Variants in ESCO1 observed in about 807,000 individuals in gnomAD.
The protein encoded by ESCO1 is establishment of sister chromatid cohesion N-acetyltransferase 1, also known as N-acetyltransferase ESCO1.
A neutral mutation model predicts 83.5 loss-of-function variants in ESCO1; 33 were observed. That is an observed-to-expected ratio of 0.40 (90% confidence interval 0.30 to 0.53). The LOEUF (loss-of-function observed/expected upper bound fraction) is 0.53, where lower values mean the gene tolerates loss of function less well. Among genes scored for constraint, ESCO1 ranks in the 20% least tolerant of loss-of-function variants. The pLI is 0.63. For synonymous variants in ESCO1, 332 were observed against 324.3 expected (o/e 1.02, Z -0.25); for missense variants, 855 against 968.0 (o/e 0.88, Z 1.55).
intron 4 of ESCO1, among the ~76,000 whole-genome samples, chr18:21,571,583 G>A (rs939358967): frequency 2.0e-5 from 3 of 152,176 alleles, no homozygotes; most frequent in Admixed American, 1.3e-4. Flanking sequence ...TCAAAATAAT[G>A]TGGTCTACAT....
At position 21,530,504 on chromosome 18, in the gene ESCO1, ATGG is replaced by A. The variant is rs2037753558; in HGVS notation, c.2376-17_2376-15del. ...ATAAAGTTACTCCTATTAAAAAAAA[ATGG>A]GGGGGGGGAAGGGTTAAGTGTGAAA... On this transcript the variant is annotated splice_polypyrimidine_tract_variant and intron_variant, in intron 11 of 11. Transcript: ENST00000269214. 9.3e-7 allele frequency: 1 copy of A among 1,075,098 alleles called. No individual in the cohort carries two copies. Among genetic ancestry groups the A allele is most frequent in the Admixed American group, 3.3e-5 (1 of 30,622 alleles). 66.6% of individuals were successfully genotyped at this position (1,075,098 alleles called of 1,614,324 possible).
chr18:21,564,052 C>T (rs541680277), intron 7 of ESCO1, 151 bp downstream of exon 7: 1 of 580,386 alleles, frequency 1.7e-6, no homozygotes, highest in African/African-American at 1.9e-5. Context: ...GCCACCCTCA[C>T]CAGATGCAGA....
At chr18:21,566,680 G>C (rs1330569035) in intron 5 of ESCO1, among the ~76,000 whole-genome samples, 6 of 152,118 alleles carry the variant, frequency 3.9e-5, no homozygotes, top group Non-Finnish European at 8.8e-5. Context: ...GGCCAACATA[G>C]GGAAACCCTG....
chr18:21,534,432 G>A (rs1025327171), intron 10 of ESCO1, among the ~76,000 whole-genome samples: 2 of 152,148 alleles, frequency 1.3e-5, no homozygotes, highest in African/African-American at 4.8e-5. Context: ...TAGAATTCAG[G>A]TCTGCCTCAA....
intron 8 of ESCO1, among the ~76,000 whole-genome samples, chr18:21,558,745 A>C (rs1227148322): frequency 4.6e-5 from 7 of 152,090 alleles, no homozygotes; most frequent in Admixed American, 6.6e-5. Flanking sequence ...AAAAAAAAAA[A>C]AAACTTGTTT....
chr18:21,583,449 G>C (rs1427412109), intron 2 of ESCO1, among the ~76,000 whole-genome samples: 2 of 152,118 alleles, frequency 1.3e-5, no homozygotes, highest in African/African-American at 2.4e-5. Context: ...CCTGACACCA[G>C]CCTGGGCAAC....
In ESCO1 at chr18:21,584,410, T is replaced by C. The variant is rs1215288577; in HGVS notation, c.-794A>G. 7.3e-6 allele frequency: 1 copy of C among 137,382 alleles called. No individual in the cohort carries two copies. The highest frequency in any genetic ancestry group is 7.4e-5 in the Admixed American group (1 of 13,568). 8.5% of individuals were successfully genotyped at this position (137,382 alleles called of 1,614,324 possible). ...CACTTCCTGTATGTTTAGTAATCTTTAAAAAAAAAAACTCTATAGCCAAAG... is the reference window on the plus strand; with the variant it reads ...CACTTCCTGTATGTTTAGTAATCTTCAAAAAAAAAAACTCTATAGCCAAAG... On this transcript the variant is annotated 5_prime_UTR_variant, in exon 2 of 12. Transcript: ENST00000269214.
At chr18:21,581,572 T>C (rs1036185480) in intron 2 of ESCO1, among the ~76,000 whole-genome samples, 6 of 147,558 alleles carry the variant, frequency 4.1e-5, no homozygotes, top group East Asian at 2.0e-4. Flanking sequence ...GATGGCGCCA[T>C]TGCACTCCAG....
chr18:21,555,456 A>C (rs771842785), intron 8 of ESCO1, among the ~76,000 whole-genome samples: 1 of 152,324 alleles, frequency 6.6e-6, no homozygotes. Context: ...ACAAATGTAC[A>C]ACTATGATAA....
intron 7 of ESCO1, among the ~76,000 whole-genome samples, chr18:21,562,708 C>T (rs1468759851): frequency 1.3e-5 from 2 of 151,558 alleles, no homozygotes; most frequent in Non-Finnish European, 2.9e-5. Context: ...ACTTTGGGTG[C>T]CTTAATTTTT....
chr18:21,556,025 T>C (rs1394048624), intron 8 of ESCO1, among the ~76,000 whole-genome samples: 2 of 151,876 alleles, frequency 1.3e-5, no homozygotes, highest in Admixed American at 6.6e-5. Context: ...GAACTCAAGG[T>C]AGGCAGATAG....
At chr18:21,562,473 A>C (rs1235888845) in intron 7 of ESCO1, among the ~76,000 whole-genome samples, 2 of 151,898 alleles carry the variant, frequency 1.3e-5, no homozygotes, top group African/African-American at 4.8e-5. Flanking sequence ...CTTACAAAAA[A>C]AAAAAAAAAA....
In ESCO1 at chr18:21,590,049, G is replaced by A. The variant is rs564778020; in HGVS notation, c.-824-5609C>T. Among the ~76,000 whole-genome samples, 58 of 151,674 alleles carry A rather than the reference G, an allele frequency of 3.8e-4. No homozygotes were observed. In the South Asian group the frequency reaches 0.012, roughly 31 times the overall value. The stretch of plus-strand genomic sequence containing the variant: ...TCACCATGTTAGCCAGGATCGTCTC[G>A]ATCTCCTGACCTCGTGATCCACCCG... On this transcript the variant is annotated intron_variant, in intron 1 of 11. Coordinates refer to ENST00000269214, the MANE Select transcript of ESCO1 (RefSeq NM_052911.3).
chr18:21,540,840 C>T, intron 8 of ESCO1: 2 of 659,892 alleles, frequency 3.0e-6, no homozygotes, highest in Middle Eastern at 6.6e-4. Flanking sequence ...GTTGTCTTAA[C>T]CCAACCAACT....
At chr18:21,579,900 A>G (rs968136180) in intron 2 of ESCO1, among the ~76,000 whole-genome samples, 7 of 148,690 alleles carry the variant, frequency 4.7e-5, no homozygotes, top group African/African-American at 1.7e-4. Context: ...ATCTATTTTT[A>G]ATTTTTTTTT....
chr18:21,543,320 G>T (rs2037930698), intron 8 of ESCO1, among the ~76,000 whole-genome samples: 1 of 152,020 alleles, frequency 6.6e-6, no homozygotes, highest in South Asian at 2.1e-4. Flanking sequence ...ACGCCGAGCT[G>T]ATTTTTTTTG....
chr18:21,541,469 T>C (rs1249032800), intron 8 of ESCO1, among the ~76,000 whole-genome samples: 3 of 151,818 alleles, frequency 2.0e-5, no homozygotes, highest in South Asian at 4.2e-4. Flanking sequence ...GGCACGCGCC[T>C]GTAGTTCTGG....
intron 1 of ESCO1, among the ~76,000 whole-genome samples, chr18:21,596,312 G>T (rs563680976): frequency 6.6e-6 from 1 of 151,936 alleles, no homozygotes; most frequent in South Asian, 2.1e-4. Context: ...GAGTATAAGG[G>T]GATCCTAAGA....
At chr18:21,550,537 T>C (rs1396549393) in intron 8 of ESCO1, among the ~76,000 whole-genome samples, 1 of 152,208 alleles carries the variant, frequency 6.6e-6, no homozygotes, top group Non-Finnish European at 1.5e-5. Flanking sequence ...AGCAACAATA[T>C]CCCAGTATGT....
Sources: allele counts gnomAD v4.1 joint callset (sites outside exome capture counted in the v4.1 genomes callset), GRCh38; gene constraint gnomAD v4.1.1; transcripts MANE v1.5; gene names NCBI Gene and HGNC (gene_info 2026-07-23, HGNC 2026-07-21).